The following ABCA1 variants were observed in gnomAD, a reference collection of about 807,000 sequenced individuals.
The protein encoded by ABCA1 is phospholipid-transporting ATPase ABCA1.
In ABCA1, 133 loss-of-function variants were observed where a neutral mutation model predicts 262.5. The ratio of observed to expected loss-of-function variants is 0.51; its 90% CI spans 0.44 to 0.59. The LOEUF is 0.59. Ranked by LOEUF, ABCA1 falls within the 20% of genes least tolerant of loss-of-function variation. The pLI, the probability that ABCA1 is intolerant of heterozygous loss-of-function variation, is 0.00. For missense variants in ABCA1, 2,452 were observed against 2,777.5 expected (o/e 0.88, Z 2.63); for synonymous variants, 1,022 against 1,043.5 (o/e 0.98, Z 0.40).
intron 18 of ABCA1, among the ~76,000 whole-genome samples, chr9:104,823,658 G>A (rs1235430160): frequency 1.3e-5 from 2 of 152,116 alleles, no homozygotes; most frequent in Non-Finnish European, 2.9e-5. Context: ...GAGAAGATAG[G>A]CAAGTTAGAG....
At chr9:104,830,877 C>A in intron 14 of ABCA1, 48 bp downstream of exon 14, 3 of 1,603,660 alleles carry the variant, frequency 1.9e-6, no homozygotes, top group Non-Finnish European at 2.6e-6. Flanking sequence ...ACACCCCCAT[C>A]TGGCACAGTA....
At chr9:104,800,790 C>T (rs113847575) in intron 34 of ABCA1, among the ~76,000 whole-genome samples, 42 of 152,206 alleles carry the variant, frequency 2.8e-4, no homozygotes, top group African/African-American at 8.4e-4. Flanking sequence ...GCCATGATGC[C>T]ACAAGTCTAG....
At chr9:104,807,272 G>A (rs1055254721) in intron 30 of ABCA1, among the ~76,000 whole-genome samples, 2 of 152,138 alleles carry the variant, frequency 1.3e-5, no homozygotes, top group Non-Finnish European at 2.9e-5. Context: ...GAGAATGCTC[G>A]TCACATAAAG....
At chr9:104,799,434 A>ACACACG (rs1554703940) in intron 36 of ABCA1, 2 of 981,148 alleles carry the variant, frequency 2.0e-6, no homozygotes, top group East Asian at 2.3e-4. Flanking sequence ...ACACACACAC[A>ACACACG]CAGCTTAATT....
chr9:104,792,071 G>T, intron 42 of ABCA1, 73 bp from the exon 43 acceptor site: 1 of 1,402,114 alleles, frequency 7.1e-7, no homozygotes, highest in Non-Finnish European at 9.9e-7. Flanking sequence ...GTGGAAGGCA[G>T]GACTATAAAC....
chr9:104,819,713 C>G lies in ABCA1; in HGVS notation c.3114G>C (p.Gln1038His). 1 of 1,614,218 alleles carries G rather than the reference C, an allele frequency of 6.2e-7. No homozygotes were observed. The highest frequency in any genetic ancestry group is 1.3e-5 in the African/African-American group (1 of 75,046). Residue 1038 changes from glutamine (Q) to histidine (H), a missense_variant, in exon 22 of 50, where the codon CAG (glutamine) becomes CAC (histidine). By Grantham distance (24) the Gln-to-His change is conservative. Around this residue, in one of 4 missense-constraint regions of ABCA1, gnomAD observed 665 missense variants for 727.3 expected, o/e 0.91. Coordinates refer to ENST00000374736, the MANE Select transcript of ABCA1 (RefSeq NM_005502.4). ...AGGCCAAGGCCACAGATAGCTTTCTCTGCATTCCACCTACAAAAAAACAGA... is the reference window on the plus strand; with the variant it reads ...AGGCCAAGGCCACAGATAGCTTTCTGTGCATTCCACCTACAAAAAAACAGA... ...SKTSQLSGGM[Q>H]RKLSVALAFV...
intron 19 of ABCA1, 64 bp downstream of exon 19, chr9:104,822,432 A>G (rs938407887): frequency 1.2e-6 from 2 of 1,601,774 alleles, no homozygotes; most frequent in Non-Finnish European, 1.7e-6. Flanking sequence ...TAAGGTATAA[A>G]TTTCTAACTC....
intron 7 of ABCA1, among the ~76,000 whole-genome samples, chr9:104,853,811 C>T (rs1272363490): frequency 1.3e-5 from 2 of 152,162 alleles, no homozygotes; most frequent in African/African-American, 2.4e-5. Flanking sequence ...AAGCCAAAGG[C>T]ACTGAGGGAA....
chr9:104,921,495 T>G (rs1174740164), intron 1 of ABCA1, among the ~76,000 whole-genome samples: 1 of 152,204 alleles, frequency 6.6e-6, no homozygotes, highest in East Asian at 1.9e-4. Flanking sequence ...TTTTCTTAAA[T>G]CACAGCTGCC....
Position 104,824,361 on chromosome 9 carries a change from G to A in ABCA1, c.2656+104C>T, listed in dbSNP as rs1832636187. 1.6e-5 allele frequency: 25 copies of A among 1,567,710 alleles called. 1 individual carries two copies. The South Asian group carries it at 2.9e-4, about 18-fold the overall frequency. On this transcript the variant is annotated intron_variant, in intron 18 of 49. Coordinates refer to ENST00000374736, the MANE Select transcript of ABCA1 (RefSeq NM_005502.4). The stretch of plus-strand genomic sequence containing the variant: ...ATGTGATTTCTCTGCCCCTGGAGTG[G>A]TTTCACAGTCTTTTAGAAAGGCAGG...
intron 2 of ABCA1, among the ~76,000 whole-genome samples, chr9:104,893,421 CAAAAAAAAAAAAAAAAAAAAAAA>C (rs34544647): frequency 0.34 from 12,377 of 36,420 alleles, 1,001 homozygotes; most frequent in Middle Eastern, 0.57. Flanking sequence ...GACTTCACCT[CAAAAAAAAAAAAAAAAAAAAAAA>C]AAAAAAAAGA....
intron 6 of ABCA1, 140 bp from the exon 7 acceptor site, chr9:104,858,838 G>A: frequency 1.2e-6 from 1 of 812,816 alleles, no homozygotes; most frequent in Non-Finnish European, 2.1e-6. Flanking sequence ...ACAGTCCAAT[G>A]CATCAGGTCT....
In ABCA1 at chr9:104,816,260, C is replaced by A; in HGVS notation, c.3621G>T (p.Val1207=). The A allele has an allele frequency of 6.2e-7, 1 of 1,614,152 alleles. No individual in the cohort carries two copies. The change falls in exon 25 of 50, where the codon GTG becomes GTT. Residue 1207 remains valine (V), a synonymous_variant. Coordinates refer to ENST00000374736, the MANE Select transcript of ABCA1 (RefSeq NM_005502.4). ...VEDIGHELTY[V]LPYEAAKEGA... is the part of the protein sequence containing the mutation. ...CCTCCTTAGCAGCTTCATATGGCAG[C>A]ACATAGGTCAGCTCATGCCCTATGT... is the stretch of plus-strand genomic sequence containing the variant.
At chr9:104,899,857 A>C (rs1433741971) in intron 2 of ABCA1, among the ~76,000 whole-genome samples, 1 of 152,176 alleles carries the variant, frequency 6.6e-6, no homozygotes, top group Non-Finnish European at 1.5e-5. Context: ...CTAAAACCAG[A>C]TGAGGATCGT....
At chr9:104,917,729 G>A (rs1315858328) in intron 1 of ABCA1, among the ~76,000 whole-genome samples, 5 of 152,028 alleles carry the variant, frequency 3.3e-5, no homozygotes, top group African/African-American at 1.2e-4. Flanking sequence ...ACTCCAGCCT[G>A]GGCAACAGAG....
intron 7 of ABCA1, among the ~76,000 whole-genome samples, chr9:104,848,171 A>C (rs1013941607): frequency 2.0e-5 from 3 of 152,234 alleles, no homozygotes; most frequent in Non-Finnish European, 4.4e-5. Context: ...AAAAGAAGTG[A>C]CTTAATTTAA....
At position 104,798,431 on chromosome 9, in the gene ABCA1, A is replaced by C. The variant is rs1323688798; in HGVS notation, c.5111T>G (p.Val1704Gly). Reference protein sequence around the residue: ...KPVIYWLSNFVWDMCNYVVPA... With the variant: ...KPVIYWLSNFGWDMCNYVVPA... ...GGCCTGTGTCCTTACCATATCCCAG[A>C]CAAAATTAGAGAGCCAGTAGATGAC... The change falls in exon 37 of 50, where the codon GTC becomes GGC. Residue 1704 changes from valine (V) to glycine (G), a missense_variant. By Grantham distance (109) the Val-to-Gly change is moderately radical. Coordinates refer to ENST00000374736, the MANE Select transcript of ABCA1 (RefSeq NM_005502.4). 1 of 1,614,202 alleles carries C rather than the reference A, an allele frequency of 6.2e-7. No homozygotes were observed. The highest frequency in any genetic ancestry group is 8.5e-7 in the Non-Finnish European group (1 of 1,180,028).
At chr9:104,819,796 C>T in intron 21 of ABCA1, 73 bp from the exon 22 acceptor site, 2 of 1,612,508 alleles carry the variant, frequency 1.2e-6, no homozygotes, top group East Asian at 2.2e-5. Flanking sequence ...GACCTAGGGG[C>T]ACAGCCAGGG....
chr9:104,862,703 C>A (rs1836722481), intron 5 of ABCA1, among the ~76,000 whole-genome samples: 1 of 18,486 alleles, frequency 5.4e-5, no homozygotes, highest in African/African-American at 1.7e-4. Context: ...CCGGGCCGGC[C>A]CCCACCCCCA....
Sources: gnomAD v4.1 joint callset for allele counts (sites outside exome capture counted in the v4.1 genomes callset) on GRCh38, gnomAD v4.1.1 for gene constraint, gnomAD v4.1.1 regional missense constraint, MANE v1.5 for transcripts, NCBI Gene and HGNC (gene_info 2026-07-23, HGNC 2026-07-21) for gene names.